MARK2: variants seen among roughly 807,000 people sequenced by gnomAD.
MARK2 encodes the protein microtubule affinity regulating kinase 2, also known as serine/threonine-protein kinase MARK2.
MARK2 carries 16 observed loss-of-function variants against 89.8 expected under a neutral mutation model. That is an observed-to-expected ratio of 0.18 (90% CI 0.12 to 0.27). The LOEUF is 0.27. Ranked by LOEUF, MARK2 falls within the 10% of genes least tolerant of loss-of-function variation. The pLI is 1.00. For missense variants in MARK2, 621 were observed against 1,049.9 expected, an observed-to-expected ratio of 0.59 and a Z score of 5.65; for synonymous variants, 382 against 399.5, an observed-to-expected ratio of 0.96 and a Z score of 0.52.
chr11:63,901,961 CTGGGTG>C (rs1940928918), intron 11 of MARK2, among the ~76,000 whole-genome samples: 1 of 151,994 alleles, frequency 6.6e-6, no homozygotes, highest in Non-Finnish European at 1.5e-5. Flanking sequence ...GTTTGTGTCT[CTGGGTG>C]TGTGGGCTTA....
rs143952440 is a variant in MARK2, at chr11:63,839,166, C to G, written c.-341C>G. ...GGTCCGGCGGCGGCTGCCTGTGTGCCGGGCGCGGAGCAGTGCCGCTGAGGG... is the reference window on the plus strand; with the variant it reads ...GGTCCGGCGGCGGCTGCCTGTGTGCGGGGCGCGGAGCAGTGCCGCTGAGGG... On this transcript the variant is annotated 5_prime_UTR_variant, in exon 1 of 19. Coordinates refer to ENST00000402010, the MANE Select transcript of MARK2 (RefSeq NM_001039469.3). The G allele has an allele frequency of 0.056, 11,305 of 202,794 alleles. 426 individuals are homozygous for G. The highest frequency in any genetic ancestry group is 0.23 in the South Asian group (1,226 of 5,394). The allele number at this position is 202,794 out of a possible 1,614,324, so 12.6% of individuals were successfully genotyped here. A position where few individuals can be genotyped will look rare whatever the true frequency, so the allele number is the denominator to read the frequency against.
At position 63,904,112 on chromosome 11, in the gene MARK2, C is replaced by T. The variant is rs1429279092; in HGVS notation, c.1641C>T (p.Pro547=). The T allele has an allele frequency of 2.5e-6, 4 of 1,598,724 alleles. No homozygotes were observed. The highest frequency in any genetic ancestry group is 3.4e-6 in the Non-Finnish European group (4 of 1,177,054). The change falls in exon 15 of 19, where the codon CCC becomes CCT. Residue 547 remains proline, a synonymous_variant. Transcript: ENST00000402010. The surrounding 1 kb of genome is among the most constrained non-coding windows in gnomAD (Gnocchi z 6.3). ...SVHPNKASGL[P]PTESNCEVPR... is the part of the protein sequence containing the mutation. ...ACCCCAACAAGGCCTCTGGGCTGCC[C>T]CCCACGGAGAGTAACTGTGAGGTGC...
Position 63,863,448 on chromosome 11 carries a change from C to T in MARK2, c.54+23888C>T, listed in dbSNP as rs1175888674. Among the ~76,000 whole-genome samples, 4 of 98,218 alleles carry T rather than the reference C, an allele frequency of 4.1e-5. No homozygotes were observed. The East Asian group carries it at 1.1e-3, about 27-fold the overall frequency. 64.4% of individuals were successfully genotyped at this position (98,218 alleles called of 152,430 possible). A position where few individuals can be genotyped will look rare whatever the true frequency, so the allele number is the denominator to read the frequency against. The stretch of plus-strand genomic sequence containing the variant: ...AAAGGGGTGAACTATTGCCCTCCCC[C>T]ACCCCCCCACCCCCCACCCCCCCAC... On this transcript the variant is annotated intron_variant, in intron 1 of 18. Coordinates refer to ENST00000402010, the MANE Select transcript of MARK2 (RefSeq NM_001039469.3).
intron 1 of MARK2, among the ~76,000 whole-genome samples, chr11:63,873,741 A>G (rs1938585271): frequency 1.3e-5 from 2 of 152,094 alleles, no homozygotes; most frequent in Admixed American, 1.3e-4. Context: ...CACACCCCAG[A>G]TTAAAGCGAT....
At chr11:63,841,530 T>C (rs1379947353) in intron 1 of MARK2, among the ~76,000 whole-genome samples, 1 of 152,242 alleles carries the variant, frequency 6.6e-6, no homozygotes, top group African/African-American at 2.4e-5. Flanking sequence ...TTACTGGGAA[T>C]TGCTTTCTCT....
chr11:63,902,687 C>G lies in MARK2; in HGVS notation c.1321C>G (p.Arg441Gly). ...AGAAAATAAGCGGCCTGAGGAGGAC[C>G]GGGAGTCAGGGCGGAAAGCCAGCAG... The part of the protein sequence containing the change: ...NAENKRPEED[R>G]ESGRKASSTA... The change falls in exon 13 of 19, where the codon CGG becomes GGG. Residue 441 changes from arginine (R) to glycine (G), a missense_variant. Arg to Gly is a moderately radical substitution (Grantham distance 125). Coordinates refer to ENST00000402010, the MANE Select transcript of MARK2 (RefSeq NM_001039469.3). This position sits in a 1 kb window ranked among gnomAD's most constrained non-coding sequence, Gnocchi z 4.2. 1 of 1,614,066 alleles carries G rather than the reference C, an allele frequency of 6.2e-7. No individual in the cohort carries two copies. The highest frequency in any genetic ancestry group is 8.5e-7 in the Non-Finnish European group (1 of 1,179,984).
chr11:63,843,652 T>C (rs1793349319), intron 1 of MARK2, among the ~76,000 whole-genome samples: 1 of 151,368 alleles, frequency 6.6e-6, no homozygotes, highest in Non-Finnish European at 1.5e-5. Context: ...TGACACAGAG[T>C]CTTGCTCTGT....
chr11:63,893,162 C>A (rs1015050803), intron 1 of MARK2, among the ~76,000 whole-genome samples: 2 of 150,942 alleles, frequency 1.3e-5, no homozygotes, highest in African/African-American at 2.4e-5. Context: ...AATCCACCTG[C>A]CTCAACCTCC....
intron 1 of MARK2, among the ~76,000 whole-genome samples, chr11:63,847,677 T>C (rs2016351682): frequency 6.6e-6 from 1 of 152,240 alleles, no homozygotes; most frequent in Non-Finnish European, 1.5e-5. Context: ...GAGCTGGTCC[T>C]TCACTCCAGG....
At chr11:63,857,244 G>A (rs1426823653) in intron 1 of MARK2, among the ~76,000 whole-genome samples, 1 of 152,100 alleles carries the variant, frequency 6.6e-6, no homozygotes, top group Non-Finnish European at 1.5e-5. Context: ...TTGGCTCACT[G>A]CAACTTCCAC....
At position 63,895,950 on chromosome 11, in the gene MARK2, G is replaced by A. The variant is rs111523294; in HGVS notation, c.288+317G>A. Among the ~76,000 whole-genome samples, 448 of 152,088 alleles carry A rather than the reference G, an allele frequency of 2.9e-3. 3 individuals carry two copies. Among genetic ancestry groups the A allele is most frequent in the African/African-American group, 0.011 (438 of 41,460 alleles). On this transcript the variant is annotated intron_variant, in intron 3 of 18. Transcript: ENST00000402010. Reference sequence around the variant, plus strand: ...CTCCCAAAGTGCTAGGATTATAGGCGTGAACCACTGCCCCCAGCCCACCTG... The same window carrying A: ...CTCCCAAAGTGCTAGGATTATAGGCATGAACCACTGCCCCCAGCCCACCTG...
At chr11:63,847,847 C>G (rs753150806) in intron 1 of MARK2, among the ~76,000 whole-genome samples, 1 of 152,226 alleles carries the variant, frequency 6.6e-6, no homozygotes, top group African/African-American at 2.4e-5. Flanking sequence ...GGGACTGGGT[C>G]TGCCTTTGGC....
At chr11:63,846,528 G>A (rs2016286259) in intron 1 of MARK2, among the ~76,000 whole-genome samples, 1 of 151,342 alleles carries the variant, frequency 6.6e-6, no homozygotes, top group Non-Finnish European at 1.5e-5. Context: ...GCTAATTTTT[G>A]TATTTTTAGT....
In MARK2 at chr11:63,902,714, A is replaced by C. The variant is rs1388922462; in HGVS notation, c.1348A>C (p.Thr450Pro). Residue 450 changes from threonine to proline, a missense_variant, in exon 13 of 19, where the codon ACA becomes CCA. Thr to Pro is a conservative substitution (Grantham distance 38). Around this residue, in one of 5 missense-constraint regions of MARK2, gnomAD observed 397 missense variants for 567.8 expected, o/e 0.70. Coordinates refer to ENST00000402010, the MANE Select transcript of MARK2 (RefSeq NM_001039469.3). This position sits in a 1 kb window ranked among gnomAD's most constrained non-coding sequence, Gnocchi z 4.2. ...DRESGRKASS[T>P]AKVPASPLPG... Reference sequence around the variant, plus strand: ...GGAGTCAGGGCGGAAAGCCAGCAGCACAGCCAAGGTGCCTGCCAGCCCCCT... The same window carrying C: ...GGAGTCAGGGCGGAAAGCCAGCAGCCCAGCCAAGGTGCCTGCCAGCCCCCT... 3.7e-6 allele frequency: 6 copies of C among 1,613,996 alleles called. No individual in the cohort carries two copies. The highest frequency in any genetic ancestry group is 5.1e-6 in the Non-Finnish European group (6 of 1,180,014).
intron 1 of MARK2, chr11:63,868,908 T>G: frequency 2.2e-6 from 1 of 455,848 alleles, no homozygotes; most frequent in Non-Finnish European, 4.4e-6. Flanking sequence ...CGCCTGATGA[T>G]GGTGAGGACC....
rs1304396947 is a variant in MARK2 at position 63,895,064 on chromosome 11, CT to C, written c.55-94del. 5.1e-6 allele frequency: 5 copies of C among 986,358 alleles called. 1 individual carries two copies. The Middle Eastern group carries it at 9.8e-4, about 194-fold the overall frequency. 61.1% of individuals were successfully genotyped at this position (986,358 alleles called of 1,614,324 possible). A position where few individuals can be genotyped will look rare whatever the true frequency, so the allele number is the denominator to read the frequency against. ...CACATGCCTACCAGCCCCCTGGAAT[CT>C]GCCCCTGCACCCTCATCCCTTATAT... On this transcript the variant is annotated intron_variant, in intron 1 of 18. Transcript: ENST00000402010.
chr11:63,868,709 G>A (rs12792726), intron 1 of MARK2: 7 of 449,530 alleles, frequency 1.6e-5, no homozygotes, highest in Non-Finnish European at 2.7e-5. Flanking sequence ...GTCTGCCTGC[G>A]TTGTTGCTCC....
intron 1 of MARK2, among the ~76,000 whole-genome samples, chr11:63,890,587 C>T (rs967068720): frequency 8.5e-5 from 13 of 152,182 alleles, no homozygotes; most frequent in African/African-American, 3.1e-4. Context: ...TGGCATTTCA[C>T]CAGGTCTGGA....
At position 63,841,144 on chromosome 11, in the gene MARK2, C is replaced by T. The variant is rs1470137612; in HGVS notation, c.54+1584C>T. Among the ~76,000 whole-genome samples, 12 of 152,170 alleles carry T rather than the reference C, an allele frequency of 7.9e-5. No individual in the cohort carries two copies. In the East Asian group the frequency reaches 1.9e-3, roughly 24 times the overall value. ...ATCCTTTATGTTTCCCTCTTACTCC[C>T]TTCTTTCTTTGTAGCCCGGTAGAGC... On this transcript the variant is annotated intron_variant, in intron 1 of 18. Coordinates refer to ENST00000402010, the MANE Select transcript of MARK2 (RefSeq NM_001039469.3).
Sources: gnomAD v4.1 joint callset for allele counts (sites outside exome capture counted in the v4.1 genomes callset) on GRCh38, gnomAD v4.1.1 for gene constraint, gnomAD v4.1.1 regional missense constraint, Gnocchi (gnomAD v3.1) non-coding constraint, MANE v1.5 for transcripts, NCBI Gene and HGNC (gene_info 2026-07-23, HGNC 2026-07-21) for gene names.